TTC28: variants seen among roughly 807,000 people sequenced by gnomAD.
The protein encoded by TTC28 is tetratricopeptide repeat domain 28.
In TTC28, 61 loss-of-function variants were observed where a neutral mutation model predicts 198.0. That is an observed-to-expected ratio of 0.31 (90% CI 0.25 to 0.38). The LOEUF is 0.38. TTC28 is among the 10% of genes least tolerant of loss of function. TTC28 has a pLI of 1.00. For missense variants in TTC28, 2,678 were observed against 3,164.0 expected, an observed-to-expected ratio of 0.85 and a Z score of 3.69; for synonymous variants, 1,171 against 1,297.8, an observed-to-expected ratio of 0.90 and a Z score of 2.10.
At chr22:28,497,443 A>C (rs140052722) in intron 2 of TTC28, among the ~76,000 whole-genome samples, 62 of 152,232 alleles carry the variant, frequency 4.1e-4, no homozygotes, top group African/African-American at 1.3e-3. Flanking sequence ...TTATTTACTC[A>C]GTGGTTCTCA....
chr22:28,623,855 A>C (rs1181178288), intron 2 of TTC28, among the ~76,000 whole-genome samples: 2 of 152,154 alleles, frequency 1.3e-5, no homozygotes, highest in Non-Finnish European at 2.9e-5. Flanking sequence ...AATAATTAAA[A>C]TACATGTCAA....
At chr22:28,601,777 G>GACACACACACAC (rs34208241) in intron 2 of TTC28, among the ~76,000 whole-genome samples, 3,827 of 141,480 alleles carry the variant, frequency 0.027, 76 homozygotes, top group South Asian at 0.041. Flanking sequence ...GTAAACCCTA[G>GACACACACACAC]ACACACACAC....
intron 2 of TTC28, among the ~76,000 whole-genome samples, chr22:28,393,805 C>CTTTA (rs2046772493): frequency 1.3e-5 from 2 of 152,176 alleles, no homozygotes; most frequent in African/African-American, 4.8e-5. Context: ...GCATACAAGG[C>CTTTA]TAAAAGAGGT....
intron 6 of TTC28, among the ~76,000 whole-genome samples, chr22:28,159,962 A>G (rs1212183732): frequency 1.3e-5 from 2 of 152,334 alleles, no homozygotes; most frequent in Middle Eastern, 3.4e-3. Flanking sequence ...GCACAATCAG[A>G]CAAACATTGC....
chr22:28,676,022 G>T (rs1281569728), intron 1 of TTC28, among the ~76,000 whole-genome samples: 4 of 151,988 alleles, frequency 2.6e-5, no homozygotes, highest in Non-Finnish European at 5.9e-5. Flanking sequence ...ATATACCCAA[G>T]GGAAATGAAA....
At chr22:28,404,748 T>C (rs892408836) in intron 2 of TTC28, among the ~76,000 whole-genome samples, 23 of 152,226 alleles carry the variant, frequency 1.5e-4, no homozygotes, top group African/African-American at 5.5e-4. Context: ...AACTGTTCAT[T>C]TTATATATCT....
chr22:28,633,880 T>C (rs962072967), intron 1 of TTC28, among the ~76,000 whole-genome samples: 3 of 152,106 alleles, frequency 2.0e-5, no homozygotes, highest in Admixed American at 1.3e-4. Flanking sequence ...GAGGGGGAAA[T>C]ACCATACATT....
chr22:28,358,877 T>G (rs939601837), intron 2 of TTC28, among the ~76,000 whole-genome samples: 1 of 152,184 alleles, frequency 6.6e-6, no homozygotes, highest in Non-Finnish European at 1.5e-5. Context: ...TCTTATTCTT[T>G]GCTCTGTCCT....
chr22:28,317,285 T>G (rs374648549), intron 2 of TTC28, among the ~76,000 whole-genome samples: 4 of 152,272 alleles, frequency 2.6e-5, no homozygotes, highest in South Asian at 4.2e-4. Context: ...TCCTTGTGAG[T>G]TGAGATTTCC....
intron 2 of TTC28, among the ~76,000 whole-genome samples, chr22:28,448,272 C>T (rs1276217336): frequency 2.0e-5 from 3 of 152,088 alleles, no homozygotes; most frequent in Non-Finnish European, 4.4e-5. Flanking sequence ...ACTCAATAAC[C>T]ACTTGCCTAT....
chr22:28,342,687 CATCT>C (rs899674718), intron 2 of TTC28, among the ~76,000 whole-genome samples: 2 of 152,122 alleles, frequency 1.3e-5, no homozygotes, highest in African/African-American at 4.8e-5. Context: ...GTTAAGAGCT[CATCT>C]TTCATACAGA....
intron 2 of TTC28, among the ~76,000 whole-genome samples, chr22:28,608,181 T>A (rs1332869008): frequency 6.6e-6 from 1 of 152,344 alleles, no homozygotes; most frequent in East Asian, 1.9e-4. Flanking sequence ...ACTATTTCTA[T>A]CCCTTTTTCC....
At chr22:28,363,712 C>T (rs903442486) in intron 2 of TTC28, among the ~76,000 whole-genome samples, 2 of 152,192 alleles carry the variant, frequency 1.3e-5, no homozygotes, top group African/African-American at 4.8e-5. Context: ...ATTATGGGAA[C>T]TCTTGCATCA....
At chr22:28,117,721 C>T (rs549984319) in intron 6 of TTC28, among the ~76,000 whole-genome samples, 2 of 152,300 alleles carry the variant, frequency 1.3e-5, no homozygotes, top group African/African-American at 4.8e-5. Context: ...CATTTTGTCA[C>T]CAGAACCCCC....
intron 2 of TTC28, among the ~76,000 whole-genome samples, chr22:28,413,700 T>G (rs950477635): frequency 6.6e-6 from 1 of 151,890 alleles, no homozygotes; most frequent in African/African-American, 2.4e-5. Flanking sequence ...TTTAGAATGC[T>G]AAAGAAACAA....
At chr22:28,088,728 C>T (rs920077409) in intron 12 of TTC28, among the ~76,000 whole-genome samples, 1 of 152,176 alleles carries the variant, frequency 6.6e-6, no homozygotes, top group Non-Finnish European at 1.5e-5. Flanking sequence ...GAACAGCCAA[C>T]CTACAAAATG....
chr22:28,345,894 A>G (rs1043474088), intron 2 of TTC28, among the ~76,000 whole-genome samples: 1 of 152,212 alleles, frequency 6.6e-6, no homozygotes, highest in Non-Finnish European at 1.5e-5. Flanking sequence ...CTCAGAAAAA[A>G]AGTCACAGGT....
intron 2 of TTC28, among the ~76,000 whole-genome samples, chr22:28,621,736 G>A (rs1466110866): frequency 2.6e-5 from 3 of 115,072 alleles, no homozygotes; most frequent in Non-Finnish European, 5.1e-5. Context: ...GAGCAAGACT[G>A]TCTCTTAAAA....
In TTC28 at chr22:28,296,316, C is replaced by T; in HGVS notation, c.815G>A (p.Gly272Glu). 5.2e-6 allele frequency: 8 copies of T among 1,533,480 alleles called. No individual in the cohort carries two copies. The highest frequency in any genetic ancestry group is 5.3e-6 in the Non-Finnish European group (6 of 1,140,760). The allele number at this position is 1,533,480 out of a possible 1,614,324, so 95.0% of individuals were successfully genotyped here. ...DVAKTLGDQT[G>E]ECRAHGNLGS... ...CAGATTCCCATGAGCTCGGCATTCT[C>T]CTGTCTGGTCACCTGGATTGAATTG... Residue 272 changes from glycine (G) to glutamate (E), a missense_variant, in exon 5 of 23, where the codon GGA becomes GAA. Physicochemically the swap from Gly to Glu is moderately conservative, Grantham distance 98. Around this residue, in one of 8 missense-constraint regions of TTC28, gnomAD observed 775 missense variants for 845.9 expected, o/e 0.92. Transcript: ENST00000397906.
Sources: allele counts gnomAD v4.1 joint callset (sites outside exome capture counted in the v4.1 genomes callset), GRCh38; gene constraint gnomAD v4.1.1; regional missense constraint gnomAD v4.1.1; transcripts MANE v1.5; gene names NCBI Gene and HGNC (gene_info 2026-07-23, HGNC 2026-07-21).